AGBL4: variants seen among roughly 807,000 people sequenced by gnomAD.
The protein encoded by AGBL4 is AGBL carboxypeptidase 4.
Under a neutral mutation model 66.4 loss-of-function variants are expected in AGBL4, and 58 were observed. That is an observed-to-expected ratio of 0.87 (90% CI 0.71 to 1.09). AGBL4 has a LOEUF of 1.09. Ranked by LOEUF, AGBL4 falls within the 50% of genes least tolerant of loss-of-function variation. AGBL4 has a pLI of 0.00. For synonymous variants in AGBL4, 234 were observed against 222.9 expected (o/e 1.05, Z -0.44); for missense variants, 579 against 631.0 (o/e 0.92, Z 0.88).
chr1:49,906,411 C>T (rs758339909), intron 1 of AGBL4, among the ~76,000 whole-genome samples: 15 of 151,844 alleles, frequency 9.9e-5, no homozygotes, highest in Non-Finnish European at 2.1e-4. Flanking sequence ...GGACCATCAC[C>T]GGAATAAGTA....
intron 2 of AGBL4, among the ~76,000 whole-genome samples, chr1:49,831,575 C>T (rs560901499): frequency 3.9e-4 from 59 of 152,284 alleles, no homozygotes; most frequent in African/African-American, 1.3e-3. Context: ...ATTAGACTTC[C>T]TCTCTTCATA....
Position 48,534,028 on chromosome 1 carries a change from G to T in AGBL4, c.*145C>A. The T allele has an allele frequency of 7.7e-7, 1 of 1,305,634 alleles. No individual in the cohort carries two copies. The highest frequency in any genetic ancestry group is 1.1e-6 in the Non-Finnish European group (1 of 932,300). The allele number at this position is 1,305,634 out of a possible 1,614,324, so 80.9% of individuals were successfully genotyped here. A position where few individuals can be genotyped will look rare whatever the true frequency, so the allele number is the denominator to read the frequency against. On this transcript the variant is annotated 3_prime_UTR_variant, in exon 14 of 14. Coordinates refer to ENST00000371839, the MANE Select transcript of AGBL4 (RefSeq NM_032785.4). Reference sequence around the variant, plus strand: ...ATTGGAAAAAGGGAAAATCAGTGATGAAGTTTCTCATTGTATCCCTTCCCT... The same window carrying T: ...ATTGGAAAAAGGGAAAATCAGTGATTAAGTTTCTCATTGTATCCCTTCCCT...
chr1:48,944,927 G>C (rs1484479380), intron 5 of AGBL4, among the ~76,000 whole-genome samples: 1 of 152,218 alleles, frequency 6.6e-6, no homozygotes, highest in African/African-American at 2.4e-5. Context: ...TTAAGGAAGA[G>C]GGAAGATCTC....
In AGBL4 at chr1:49,656,351, G is replaced by A. The variant is rs183043783; in HGVS notation, c.282+40962C>T. Among the ~76,000 whole-genome samples, 399 of 152,250 alleles carry A rather than the reference G, an allele frequency of 2.6e-3. 5 individuals carry two copies. Among genetic ancestry groups the A allele is most frequent in the African/African-American group, 9.0e-3 (375 of 41,550 alleles). ...AAGACCAATAACAGGCTCTGAAATTGAGGCAATAATTAATAGCTTACCAAC... is the reference window on the plus strand; with the variant it reads ...AAGACCAATAACAGGCTCTGAAATTAAGGCAATAATTAATAGCTTACCAAC... On this transcript the variant is annotated intron_variant, in intron 3 of 13. Transcript: ENST00000371839.
At chr1:49,025,182 CA>C (rs935887089) in intron 5 of AGBL4, among the ~76,000 whole-genome samples, 2 of 152,160 alleles carry the variant, frequency 1.3e-5, no homozygotes, top group Non-Finnish European at 2.9e-5. Context: ...AGTGGATAAA[CA>C]AACAAGAAAA....
At chr1:49,982,825 C>G (rs369369155) in intron 1 of AGBL4, among the ~76,000 whole-genome samples, 1 of 152,244 alleles carries the variant, frequency 6.6e-6, no homozygotes, top group South Asian at 2.1e-4. Flanking sequence ...GGTATCCAGA[C>G]GACCAGCTAT....
intron 2 of AGBL4, chr1:49,845,334 C>A: frequency 1.4e-6 from 2 of 1,478,380 alleles, no homozygotes; most frequent in Non-Finnish European, 1.9e-6. Flanking sequence ...CCTATGAGTG[C>A]AGTGTATGTG....
intron 3 of AGBL4, among the ~76,000 whole-genome samples, chr1:49,629,075 T>A (rs1645519627): frequency 6.6e-6 from 1 of 152,126 alleles, no homozygotes; most frequent in South Asian, 2.1e-4. Context: ...TAAAAAGGGG[T>A]CATCAAAATA....
In AGBL4 at chr1:49,584,486, CTTGT is replaced by C. The variant is rs560185953; in HGVS notation, c.282+112823_282+112826del. Among the ~76,000 whole-genome samples the C allele has an allele frequency of 8.6e-3, 1,313 of 152,200 alleles. 12 individuals carry two copies. Among genetic ancestry groups the C allele is most frequent in the Non-Finnish European group, 0.014 (972 of 68,012 alleles). ...TACACGTCATCTTGGAAAGCAGTGA[CTTGT>C]TTCATAGTGGTTTCTAGTCCCTCTG... On this transcript the variant is annotated intron_variant, in intron 3 of 13. Transcript: ENST00000371839.
At chr1:48,935,980 A>G (rs1432473336) in intron 5 of AGBL4, among the ~76,000 whole-genome samples, 63 of 121,202 alleles carry the variant, frequency 5.2e-4, no homozygotes, top group South Asian at 1.0e-3. Context: ...AAAAAAAAAA[A>G]AAAAAAAAAA....
rs568840656 is a variant in AGBL4 at position 48,769,455 on chromosome 1, G to C, written c.634+97736C>G. On this transcript the variant is annotated intron_variant, in intron 6 of 13. Coordinates refer to ENST00000371839, the MANE Select transcript of AGBL4 (RefSeq NM_032785.4). ...TAAATGCCCCCAGGATAGGGTCGCA[G>C]AGGAACAAACAGGGAGGGAAATATT... Among the ~76,000 whole-genome samples, 21 of 151,582 alleles carry C rather than the reference G, an allele frequency of 1.4e-4. 1 individual carries two copies. In the South Asian group the frequency reaches 4.0e-3, roughly 29 times the overall value.
Position 49,113,750 on chromosome 1 carries a change from T to G in AGBL4, c.378-67950A>C, listed in dbSNP as rs963506796. Among the ~76,000 whole-genome samples the G allele has an allele frequency of 5.3e-5, 8 of 152,362 alleles. No homozygotes were observed. In the East Asian group the frequency reaches 7.7e-4, roughly 15 times the overall value. On this transcript the variant is annotated intron_variant, in intron 4 of 13. Coordinates refer to ENST00000371839, the MANE Select transcript of AGBL4 (RefSeq NM_032785.4). ...AAAATGGATGTAGCGTTAGCAGGCA[T>G]GAAAACAGCATTCATCTGTATATCT...
chr1:49,717,554 A>T (rs759025723), intron 2 of AGBL4, among the ~76,000 whole-genome samples: 5 of 152,130 alleles, frequency 3.3e-5, no homozygotes, highest in African/African-American at 4.8e-5. Context: ...AATAATGCCA[A>T]ATACCCTTTC....
At chr1:48,952,249 T>C (rs1283908200) in intron 5 of AGBL4, among the ~76,000 whole-genome samples, 1 of 152,246 alleles carries the variant, frequency 6.6e-6, no homozygotes, top group Non-Finnish European at 1.5e-5. Context: ...ATTGAGCTTT[T>C]ACCAACTGCT....
chr1:49,540,214 C>T (rs1651899811), intron 3 of AGBL4, among the ~76,000 whole-genome samples: 1 of 152,160 alleles, frequency 6.6e-6, no homozygotes, highest in African/African-American at 2.4e-5. Context: ...TTTACTCTCC[C>T]CATAAACTTT....
intron 2 of AGBL4, among the ~76,000 whole-genome samples, chr1:49,718,513 C>A (rs1648339064): frequency 6.6e-6 from 1 of 151,946 alleles, no homozygotes; most frequent in Non-Finnish European, 1.5e-5. Flanking sequence ...ATTATTATAT[C>A]TACACTAAAA....
chr1:49,213,165 A>T (rs1362760216), intron 4 of AGBL4, among the ~76,000 whole-genome samples: 1 of 152,172 alleles, frequency 6.6e-6, no homozygotes, highest in Non-Finnish European at 1.5e-5. Context: ...TACTACTAGT[A>T]CTATAATATG....
At chr1:48,903,031 T>C (rs981414772) in intron 5 of AGBL4, among the ~76,000 whole-genome samples, 5 of 152,212 alleles carry the variant, frequency 3.3e-5, no homozygotes, top group African/African-American at 1.2e-4. Context: ...TCCTTGCCTG[T>C]GCATAAATTG....
At chr1:48,612,803 G>T (rs1645258960) in intron 9 of AGBL4, among the ~76,000 whole-genome samples, 1 of 152,270 alleles carries the variant, frequency 6.6e-6, no homozygotes, top group African/African-American at 2.4e-5. Flanking sequence ...TCTCACAAGA[G>T]ACTTTTTTTT....
Sources: gnomAD v4.1 joint callset for allele counts (sites outside exome capture counted in the v4.1 genomes callset) on GRCh38, gnomAD v4.1.1 for gene constraint, MANE v1.5 for transcripts, NCBI Gene and HGNC (gene_info 2026-07-23, HGNC 2026-07-21) for gene names.